Variants in USP7 observed in about 807,000 individuals in gnomAD.
USP7 encodes ubiquitin C-terminal hydrolase 7.
In USP7, 9 loss-of-function variants were observed where a neutral mutation model predicts 162.9. The ratio of observed to expected loss-of-function variants is 0.06; its 90% CI spans 0.03 to 0.10. The LOEUF is 0.10. Ranked by LOEUF, USP7 falls within the 10% of genes least tolerant of loss-of-function variation. USP7 has a pLI of 1.00. For synonymous variants in USP7, 562 were observed against 475.9 expected (o/e 1.18, Z -2.35); for missense variants, 715 against 1,373.7 (o/e 0.52, Z 7.58).
In USP7 at chr16:8,894,531, G is replaced by GA. The variant is rs534626904; in HGVS notation, c.3202+18_3202+19insT. ...AGTCTGAAACCCACACCAGCCCCCG[G>GA]GGGGGGGAGAACCCTTACCGGGCTG... is the stretch of plus-strand genomic sequence containing the variant. On this transcript the variant is annotated intron_variant, in intron 30 of 30. Coordinates refer to ENST00000344836, the MANE Select transcript of USP7 (RefSeq NM_003470.3). The GA allele has an allele frequency of 7.4e-5, 109 of 1,465,380 alleles. No individual in the cohort carries two copies. The highest frequency in any genetic ancestry group is 1.6e-4 in the South Asian group (14 of 85,000). The allele number at this position is 1,465,380 out of a possible 1,614,324, so 90.8% of individuals were successfully genotyped here.
At chr16:8,894,757 AG>A in intron 29 of USP7, 26 bp downstream of exon 29, 1 of 1,614,216 alleles carries the variant, frequency 6.2e-7, no homozygotes, top group Non-Finnish European at 8.5e-7. Flanking sequence ...TGGCCCGCCA[AG>A]CCCCCAGGAG....
chr16:8,895,211 C>T (rs946516873), intron 27 of USP7, 61 bp from the exon 28 acceptor site: 5 of 1,610,836 alleles, frequency 3.1e-6, no homozygotes, highest in Admixed American at 1.7e-5. Flanking sequence ...AAAGTGTCCA[C>T]ATCTCAATTC....
intron 2 of USP7, among the ~76,000 whole-genome samples, chr16:8,927,758 C>A (rs1735799905): frequency 6.6e-6 from 1 of 152,236 alleles, no homozygotes; most frequent in Non-Finnish European, 1.5e-5. Context: ...ATCGCAAAAA[C>A]CCAGGAGGTG....
chr16:8,910,675 T>C (rs1026284722), intron 11 of USP7, 70 bp downstream of exon 11: 1 of 1,411,104 alleles, frequency 7.1e-7, no homozygotes, highest in Non-Finnish European at 9.9e-7. Context: ...AATTTTTATT[T>C]AGCAATTAAA....
intron 1 of USP7, among the ~76,000 whole-genome samples, chr16:8,933,464 T>C (rs969895845): frequency 6.6e-5 from 10 of 152,196 alleles, no homozygotes; most frequent in Non-Finnish European, 1.5e-4. Context: ...TGTGTTGAAA[T>C]AGAAATATAT....
At chr16:8,958,283 C>A (rs1315445350) in intron 1 of USP7, among the ~76,000 whole-genome samples, 6 of 152,208 alleles carry the variant, frequency 3.9e-5, no homozygotes, top group African/African-American at 1.4e-4. Context: ...GGGTGGGATT[C>A]TGAACCACTT....
chr16:8,952,296 G>A (rs1899590041), intron 1 of USP7, among the ~76,000 whole-genome samples: 1 of 152,138 alleles, frequency 6.6e-6, no homozygotes, highest in Non-Finnish European at 1.5e-5. Context: ...ATGACCAATA[G>A]CACTTACTGG....
intron 2 of USP7, 41 bp from the exon 3 acceptor site, chr16:8,923,454 T>A (rs369365620): frequency 6.2e-7 from 1 of 1,603,658 alleles, no homozygotes; most frequent in Non-Finnish European, 8.5e-7. Context: ...GCCTGTGCAT[T>A]GACCAAAAGC....
intron 2 of USP7, 58 bp from the exon 3 acceptor site, chr16:8,923,471 A>G (rs1897815669): frequency 6.4e-7 from 1 of 1,564,460 alleles, no homozygotes; most frequent in Admixed American, 1.8e-5. Flanking sequence ...AAGCACTAGC[A>G]TTAATCGACA....
intron 1 of USP7, among the ~76,000 whole-genome samples, chr16:8,953,121 A>G (rs1187390851): frequency 1.3e-5 from 2 of 152,058 alleles, no homozygotes; most frequent in African/African-American, 2.4e-5. Flanking sequence ...GGTGTGAGCC[A>G]CTATGCCTGG....
chr16:8,948,837 G>A (rs902347371), intron 1 of USP7, among the ~76,000 whole-genome samples: 1 of 152,140 alleles, frequency 6.6e-6, no homozygotes, highest in Non-Finnish European at 1.5e-5. Flanking sequence ...GGTGGCGTGT[G>A]CCTGCAGTTC....
At position 8,916,486 on chromosome 16, in the gene USP7, A is replaced by G. The variant is rs772073760; in HGVS notation, c.906+16T>C. 6.2e-7 allele frequency: 1 copy of G among 1,603,016 alleles called. No individual in the cohort carries two copies. Among genetic ancestry groups the G allele is most frequent in the Non-Finnish European group, 8.5e-7 (1 of 1,176,028 alleles). ...TATTCATTGTAAGAAATATACAAGTATTGCTTGAAACTTACCACTCGACAA... is the reference window on the plus strand; with the variant it reads ...TATTCATTGTAAGAAATATACAAGTGTTGCTTGAAACTTACCACTCGACAA... On this transcript the variant is annotated intron_variant, in intron 8 of 30. Coordinates refer to ENST00000344836, the MANE Select transcript of USP7 (RefSeq NM_003470.3).
At chr16:8,938,435 G>A (rs931338841) in intron 1 of USP7, among the ~76,000 whole-genome samples, 2 of 152,168 alleles carry the variant, frequency 1.3e-5, no homozygotes, top group East Asian at 1.9e-4. Flanking sequence ...TCAGGGGGCC[G>A]GGCACGGTGG....
At chr16:8,961,851 G>A (rs1900028752) in intron 1 of USP7, among the ~76,000 whole-genome samples, 1 of 152,192 alleles carries the variant, frequency 6.6e-6, no homozygotes, top group African/African-American at 2.4e-5. Context: ...CTTAGTTGCT[G>A]CTTTGCTGGG....
chr16:8,959,895 T>C (rs934725991), intron 1 of USP7, among the ~76,000 whole-genome samples: 2 of 152,202 alleles, frequency 1.3e-5, no homozygotes, highest in Non-Finnish European at 2.9e-5. Context: ...GCAGTCTAAG[T>C]GTCATAGAAA....
chr16:8,915,180 C>G, intron 10 of USP7, 74 bp downstream of exon 10: 1 of 1,351,700 alleles, frequency 7.4e-7, no homozygotes, highest in South Asian at 1.3e-5. Context: ...AAAAACATCA[C>G]TTGTGTAAAT....
In USP7 at chr16:8,930,396, C is replaced by T. The variant is rs62031302; in HGVS notation, c.81G>A (p.Ala27=). ...LSEPEDMEME[A]GDTDDPPRIT... Reference sequence around the variant, plus strand: ...TTCTTGGTGGGTCATCTGTATCTCCCGCTTTAAAGAAGAAAAAGAAATTCC... The same window carrying T: ...TTCTTGGTGGGTCATCTGTATCTCCTGCTTTAAAGAAGAAAAAGAAATTCC... Residue 27 remains alanine (A), a splice_region_variant and synonymous_variant, in exon 2 of 31, where the codon GCG becomes GCA. Coordinates refer to ENST00000344836, the MANE Select transcript of USP7 (RefSeq NM_003470.3). 26 of 1,602,466 alleles carry T rather than the reference C, an allele frequency of 1.6e-5. No homozygotes were observed. In the Admixed American group the frequency reaches 2.4e-4, roughly 15 times the overall value.
chr16:8,936,812 G>A, intron 1 of USP7: 2 of 1,198,530 alleles, frequency 1.7e-6, no homozygotes. Context: ...AGGAACAGAA[G>A]AGGATATTAA....
intron 2 of USP7, among the ~76,000 whole-genome samples, chr16:8,924,261 A>G (rs2141217528): frequency 6.6e-6 from 1 of 152,376 alleles, no homozygotes; most frequent in Admixed American, 6.5e-5. Flanking sequence ...ACTCCTGCGA[A>G]GGCACAGTCC....
Sources: gnomAD v4.1 joint callset for allele counts (sites outside exome capture counted in the v4.1 genomes callset) on GRCh38, gnomAD v4.1.1 for gene constraint, MANE v1.5 for transcripts, NCBI Gene and HGNC (gene_info 2026-07-23, HGNC 2026-07-21) for gene names.